Variants in ARHGEF10L observed in about 807,000 individuals in gnomAD.
ARHGEF10L encodes the protein Rho guanine nucleotide exchange factor 10 like.
Under a neutral mutation model 141.2 loss-of-function variants are expected in ARHGEF10L, and 69 were observed. The ratio of observed to expected loss-of-function variants is 0.49; its 90% confidence interval spans 0.40 to 0.60. The LOEUF (loss-of-function observed/expected upper bound fraction) is 0.60, where lower values mean the gene tolerates loss of function less well. Among genes scored for constraint, ARHGEF10L ranks in the 20% least tolerant of loss-of-function variants. The pLI is 0.00. For missense variants in ARHGEF10L, 1,482 were observed against 1,734.3 expected (o/e 0.85, Z 2.58); for synonymous variants, 711 against 718.5 (o/e 0.99, Z 0.17).
At chr1:17,543,774 A>G (rs995984101) in intron 1 of ARHGEF10L, among the ~76,000 whole-genome samples, 1 of 150,854 alleles carries the variant, frequency 6.6e-6, no homozygotes, top group African/African-American at 2.4e-5. Flanking sequence ...CAGCCCCCTC[A>G]GTAGCTGGAA....
chr1:17,629,191 ATTT>A (rs78642950), intron 15 of ARHGEF10L, among the ~76,000 whole-genome samples: 2 of 141,236 alleles, frequency 1.4e-5, no homozygotes, highest in African/African-American at 2.6e-5. Flanking sequence ...CAGCTAATTA[ATTT>A]TTTTTTTTTT....
intron 4 of ARHGEF10L, among the ~76,000 whole-genome samples, chr1:17,592,834 A>G (rs2079678292): frequency 6.6e-6 from 1 of 151,474 alleles, no homozygotes; most frequent in South Asian, 2.1e-4. Context: ...TCCATGCGGG[A>G]CGTGAGGCAT....
chr1:17,618,450 G>A, intron 9 of ARHGEF10L: 1 of 1,502,326 alleles, frequency 6.7e-7, no homozygotes, highest in Non-Finnish European at 8.9e-7. Context: ...CCGGCAGGAG[G>A]GTCTGCACCA....
At chr1:17,589,012 T>G (rs1365315805) in intron 4 of ARHGEF10L, among the ~76,000 whole-genome samples, 1 of 152,002 alleles carries the variant, frequency 6.6e-6, no homozygotes, top group Admixed American at 6.6e-5. Context: ...ACAGTTGCTA[T>G]TAGGGACCCT....
chr1:17,620,984 A>G (rs1368269658), intron 10 of ARHGEF10L, among the ~76,000 whole-genome samples: 1 of 152,120 alleles, frequency 6.6e-6, no homozygotes, highest in Non-Finnish European at 1.5e-5. Flanking sequence ...AAGCCACACC[A>G]TGCTCGACGG....
chr1:17,682,250 G>A (rs188753885), intron 26 of ARHGEF10L, among the ~76,000 whole-genome samples: 5 of 152,250 alleles, frequency 3.3e-5, no homozygotes, highest in African/African-American at 4.8e-5. Flanking sequence ...GTTGGGGTTC[G>A]TTTTGATACC....
At chr1:17,688,850 C>T (rs1490040969) in intron 27 of ARHGEF10L, among the ~76,000 whole-genome samples, 2 of 152,130 alleles carry the variant, frequency 1.3e-5, no homozygotes, top group African/African-American at 4.8e-5. Context: ...TGGAAATCAC[C>T]CTGGTTTCTG....
chr1:17,636,665 G>T (rs539756029), intron 18 of ARHGEF10L, among the ~76,000 whole-genome samples: 2 of 151,998 alleles, frequency 1.3e-5, no homozygotes, highest in Non-Finnish European at 2.9e-5. Context: ...TCCCAAGCTC[G>T]CCATGCTCTT....
At chr1:17,614,761 C>A (rs1184860853) in intron 8 of ARHGEF10L, among the ~76,000 whole-genome samples, 1 of 152,182 alleles carries the variant, frequency 6.6e-6, no homozygotes, top group Admixed American at 6.5e-5. Context: ...CAGGGGACTT[C>A]CTTCTTTTTC....
upstream of ARHGEF10L, among the ~76,000 whole-genome samples, chr1:17,535,459 G>A (rs2076561672): frequency 6.6e-6 from 1 of 152,216 alleles, no homozygotes; most frequent in Non-Finnish European, 1.5e-5. Flanking sequence ...TGACTGGTGG[G>A]AGCGGGGCCA....
intron 1 of ARHGEF10L, among the ~76,000 whole-genome samples, chr1:17,557,850 G>A (rs2077396334): frequency 2.6e-5 from 4 of 152,288 alleles, no homozygotes; most frequent in Admixed American, 1.3e-4. Context: ...GGGGAAACAC[G>A]TAGCAAGGAA....
intron 1 of ARHGEF10L, among the ~76,000 whole-genome samples, chr1:17,557,162 G>A (rs1427842362): frequency 6.6e-6 from 1 of 151,970 alleles, no homozygotes; most frequent in Non-Finnish European, 1.5e-5. Context: ...GGGCAACATG[G>A]TGAAACCTTG....
intron 1 of ARHGEF10L, among the ~76,000 whole-genome samples, chr1:17,577,527 C>T (rs929732680): frequency 2.6e-5 from 4 of 152,212 alleles, no homozygotes; most frequent in African/African-American, 7.2e-5. Context: ...GAGCCATCCC[C>T]ACTCCCTTGT....
intron 7 of ARHGEF10L, among the ~76,000 whole-genome samples, chr1:17,610,669 C>T (rs549031896): frequency 5.3e-5 from 8 of 152,324 alleles, no homozygotes; most frequent in African/African-American, 1.9e-4. Flanking sequence ...TGCTGCTTGG[C>T]TATGTGCTGT....
intron 21 of ARHGEF10L, among the ~76,000 whole-genome samples, chr1:17,643,988 T>C (rs946528089): frequency 6.6e-6 from 1 of 152,152 alleles, no homozygotes; most frequent in African/African-American, 2.4e-5. Flanking sequence ...CTCATTTCCC[T>C]CCTGTACCCT....
intron 1 of ARHGEF10L, among the ~76,000 whole-genome samples, chr1:17,569,242 A>T (rs2077890329): frequency 6.6e-6 from 1 of 152,174 alleles, no homozygotes; most frequent in Non-Finnish European, 1.5e-5. Flanking sequence ...GCTCAGAGCC[A>T]ACTCCCGCCA....
At chr1:17,576,287 A>G (rs555236259) in intron 1 of ARHGEF10L, among the ~76,000 whole-genome samples, 12 of 151,962 alleles carry the variant, frequency 7.9e-5, no homozygotes, top group Non-Finnish European at 1.0e-4. Flanking sequence ...ACTAATAAGC[A>G]CTGACTAAAT....
chr1:17,610,055 G>A (rs1339433873), intron 7 of ARHGEF10L, among the ~76,000 whole-genome samples: 1 of 152,178 alleles, frequency 6.6e-6, no homozygotes, highest in Non-Finnish European at 1.5e-5. Flanking sequence ...CCCTCTTGCT[G>A]GGACTGGGAG....
intron 22 of ARHGEF10L, among the ~76,000 whole-genome samples, chr1:17,652,775 A>T (rs1055895484): frequency 6.6e-6 from 1 of 151,970 alleles, no homozygotes; most frequent in Non-Finnish European, 1.5e-5. Context: ...GGCCTTGGGG[A>T]TGGGGCTGGG....
Sources: allele counts gnomAD v4.1 joint callset (sites outside exome capture counted in the v4.1 genomes callset), GRCh38; gene constraint gnomAD v4.1.1; transcripts MANE v1.5; gene names NCBI Gene and HGNC (gene_info 2026-07-23, HGNC 2026-07-21).